VPS25: variants seen among roughly 807,000 people sequenced by gnomAD.
VPS25 encodes vacuolar protein sorting 25 homolog, also known as vacuolar protein-sorting-associated protein 25.
In VPS25, 21 loss-of-function variants were observed where a neutral mutation model predicts 30.3. The observed-to-expected ratio is 0.69, with a 90% CI of 0.49 to 1.00. The LOEUF is 1.00. VPS25 is among the 50% of genes least tolerant of loss of function. The probability of loss-of-function intolerance (pLI) is 0.00; values close to 1 mark genes in which losing one functional copy is unlikely to be tolerated. For synonymous variants in VPS25, 101 were observed against 88.1 expected, an observed-to-expected ratio of 1.15 and a Z score of -0.82; for missense variants, 156 against 217.2, an observed-to-expected ratio of 0.72 and a Z score of 1.77.
chr17:42,779,321 C>T lies in VPS25; in HGVS notation c.*252C>T, dbSNP rs2054455889. ...TACCTCCTTTCCCATCCTAGACTGT[C>T]CTTGAGCCAGGGTCTGTAAACCTGA... is the stretch of plus-strand genomic sequence containing the variant. On this transcript the variant is annotated 3_prime_UTR_variant, in exon 6 of 6. Transcript: ENST00000253794. 2 of 443,350 alleles carry T rather than the reference C, an allele frequency of 4.5e-6. No homozygotes were observed. Among genetic ancestry groups the T allele is most frequent in the South Asian group, 2.2e-5 (1 of 45,902 alleles). 27.5% of individuals were successfully genotyped at this position (443,350 alleles called of 1,614,324 possible).
intron 5 of VPS25, among the ~76,000 whole-genome samples, chr17:42,777,535 T>TA (rs537127609): frequency 7.8e-4 from 119 of 152,062 alleles, no homozygotes; most frequent in African/African-American, 2.8e-3. Context: ...ATAATAACAA[T>TA]AAAAAAAATT....
In VPS25 at chr17:42,779,048, C is replaced by T; in HGVS notation, c.510C>T (p.Gly170=). 6.2e-7 allele frequency: 1 copy of T among 1,613,880 alleles called. No homozygotes were observed. Among genetic ancestry groups the T allele is most frequent in the Non-Finnish European group, 8.5e-7 (1 of 1,179,838 alleles). The part of the protein sequence containing the change: ...HKAEIITVSD[G]RGVKFF ...CCGAGATCATCACTGTCAGCGATGG[C>T]CGAGGCGTCAAGTTCTTCTAGCAGG... Residue 170 remains glycine (G), a synonymous_variant, in exon 6 of 6, where the codon GGC becomes GGT. Coordinates refer to ENST00000253794, the MANE Select transcript of VPS25 (RefSeq NM_032353.4).
At position 42,778,955 on chromosome 17, in the gene VPS25, A is replaced by G; in HGVS notation, c.419-2A>G. The G allele has an allele frequency of 6.2e-7, 1 of 1,613,752 alleles. No individual in the cohort carries two copies. The highest frequency in any genetic ancestry group is 2.2e-5 in the East Asian group (1 of 44,868). ...TGTCTCTGCCTATCTCTCCCTGTTC[A>G]GAGTTCCACGGGCTGGATGAAGCCA... is the stretch of plus-strand genomic sequence containing the variant. On this transcript the variant is annotated splice_acceptor_variant, in intron 5 of 5. Coordinates refer to ENST00000253794, the MANE Select transcript of VPS25 (RefSeq NM_032353.4). LOFTEE classifies it high-confidence loss of function.
chr17:42,773,469 T>C lies in VPS25; in HGVS notation c.-7T>C, dbSNP rs761932838. 20 of 1,614,192 alleles carry C rather than the reference T, an allele frequency of 1.2e-5. No individual in the cohort carries two copies. The highest frequency in any genetic ancestry group is 5.0e-5 in the Admixed American group (3 of 60,026). ...CCGGTAGCTTCCGGGTTTCCTGGGC[T>C]ACTACGATGGCGATGAGTTTCGAGT... On this transcript the variant is annotated 5_prime_UTR_variant, in exon 1 of 6. Coordinates refer to ENST00000253794, the MANE Select transcript of VPS25 (RefSeq NM_032353.4).
At position 42,779,574 on chromosome 17, in the gene VPS25, T is replaced by C. The variant is rs2054458264; in HGVS notation, c.*505T>C. 1 of 160,068 alleles carries C rather than the reference T, an allele frequency of 6.2e-6. No individual in the cohort carries two copies. The highest frequency in any genetic ancestry group is 1.4e-5 in the Non-Finnish European group (1 of 71,706). The allele number at this position is 160,068 out of a possible 1,614,324, so 9.9% of individuals were successfully genotyped here. A position where few individuals can be genotyped will look rare whatever the true frequency, so the allele number is the denominator to read the frequency against. On this transcript the variant is annotated 3_prime_UTR_variant, in exon 6 of 6. Transcript: ENST00000253794. ...GTGAGAGGTGTGGCCCCACACCGAT[T>C]TATGATATTAAAATCTCAACTCCCA...
At chr17:42,776,187 T>A (rs2054434311) in intron 4 of VPS25, 58 bp from the exon 5 acceptor site, 2 of 1,475,660 alleles carry the variant, frequency 1.4e-6, no homozygotes, top group East Asian at 4.5e-5. Flanking sequence ...GCTGATGAAT[T>A]TACTGTCTCC....
intron 1 of VPS25, 60 bp downstream of exon 1, chr17:42,773,588 C>T: frequency 6.2e-7 from 1 of 1,613,314 alleles, no homozygotes; most frequent in Non-Finnish European, 8.5e-7. Flanking sequence ...GGACCCTGGG[C>T]TCAGCCCTGA....
chr17:42,776,895 A>G (rs2054439734), intron 5 of VPS25, among the ~76,000 whole-genome samples: 1 of 152,224 alleles, frequency 6.6e-6, no homozygotes, highest in East Asian at 1.9e-4. Flanking sequence ...CAAGATTTCC[A>G]AGGGCATCTA....
In VPS25 at chr17:42,779,190, C is replaced by T. The variant is rs1338416922; in HGVS notation, c.*121C>T. On this transcript the variant is annotated 3_prime_UTR_variant, in exon 6 of 6. Coordinates refer to ENST00000253794, the MANE Select transcript of VPS25 (RefSeq NM_032353.4). ...CCACCAGACTCAAAAGGACTCCAGT[C>T]CTGAAGGCTGGGACCTGGGGATGGG... The T allele has an allele frequency of 1.6e-5, 14 of 899,562 alleles. No individual in the cohort carries two copies. The highest frequency in any genetic ancestry group is 2.4e-5 in the Non-Finnish European group (14 of 578,974). The allele number at this position is 899,562 out of a possible 1,614,324, so 55.7% of individuals were successfully genotyped here.
intron 5 of VPS25, 97 bp from the exon 6 acceptor site, chr17:42,778,860 C>A: frequency 9.2e-7 from 1 of 1,082,950 alleles, no homozygotes; most frequent in Non-Finnish European, 1.4e-6. Context: ...TTATGCATAC[C>A]CTGCCTCTGG....
intron 2 of VPS25, 74 bp downstream of exon 2, chr17:42,773,952 C>A (rs1478722960): frequency 2.6e-6 from 4 of 1,517,218 alleles, no homozygotes; most frequent in Admixed American, 2.0e-5. Context: ...AGACGCCCCC[C>A]CGCGCCAGCC....
chr17:42,778,491 C>T (rs2054448379), intron 5 of VPS25, among the ~76,000 whole-genome samples: 1 of 152,098 alleles, frequency 6.6e-6, no homozygotes, highest in Admixed American at 6.6e-5. Flanking sequence ...GGCCTGTGCT[C>T]CCAGCTAAAA....
In VPS25 at chr17:42,776,326, G is replaced by A; in HGVS notation, c.418+6G>A. Reference sequence around the variant, plus strand: ...GGAAGACACAGAGGATGAGGGTAATGCCTTTCCCTTCCCACTCATAGTTAA... The same window carrying A: ...GGAAGACACAGAGGATGAGGGTAATACCTTTCCCTTCCCACTCATAGTTAA... On this transcript the variant is annotated splice_donor_region_variant and intron_variant, in intron 5 of 5. Transcript: ENST00000253794. 6.2e-7 allele frequency: 1 copy of A among 1,611,886 alleles called. No homozygotes were observed. The highest frequency in any genetic ancestry group is 2.2e-5 in the East Asian group (1 of 44,878).
intron 5 of VPS25, among the ~76,000 whole-genome samples, chr17:42,776,933 T>C (rs1402262134): frequency 1.3e-5 from 2 of 152,222 alleles, no homozygotes; most frequent in African/African-American, 2.4e-5. Flanking sequence ...AGAATTTCAC[T>C]TTCAGCTGGG....
At chr17:42,774,366 T>G in intron 2 of VPS25, 2 of 356,572 alleles carry the variant, frequency 5.6e-6, no homozygotes, top group East Asian at 4.2e-5. Context: ...TAAAGCTTCT[T>G]TCTTTCTTTT....
At chr17:42,777,584 C>T (rs575707381) in intron 5 of VPS25, among the ~76,000 whole-genome samples, 2 of 152,098 alleles carry the variant, frequency 1.3e-5, no homozygotes, top group South Asian at 2.1e-4. Context: ...CTATAGATGC[C>T]GAATGAGAAA....
At chr17:42,775,890 C>T (rs1253325650) in intron 4 of VPS25, among the ~76,000 whole-genome samples, 1 of 152,158 alleles carries the variant, frequency 6.6e-6, no homozygotes, top group African/African-American at 2.4e-5. Flanking sequence ...ACTCTTCCCC[C>T]TAAACCACCA....
intron 5 of VPS25, among the ~76,000 whole-genome samples, chr17:42,777,005 G>A (rs2054440309): frequency 2.0e-5 from 3 of 152,284 alleles, no homozygotes; most frequent in Non-Finnish European, 1.5e-5. Context: ...GATTGCTTGA[G>A]GTCAGGAGTT....
intron 5 of VPS25, 115 bp downstream of exon 5, chr17:42,776,435 T>C: frequency 1.1e-6 from 1 of 924,554 alleles, no homozygotes; most frequent in Non-Finnish European, 1.7e-6. Context: ...CAATCTCGGC[T>C]CACTGCAACC....
Sources: gnomAD v4.1 joint callset for allele counts (sites outside exome capture counted in the v4.1 genomes callset) on GRCh38, gnomAD v4.1.1 for gene constraint, MANE v1.5 for transcripts, NCBI Gene and HGNC (gene_info 2026-07-23, HGNC 2026-07-21) for gene names.